The following METTL14 variants were observed in gnomAD, a reference collection of about 807,000 sequenced individuals.
METTL14 encodes methyltransferase 14, N6-adenosine-methyltransferase non-catalytic subunit.
In METTL14, 32 loss-of-function variants were observed where a neutral mutation model predicts 62.4. That is an observed-to-expected ratio of 0.51 (90% CI 0.39 to 0.69). The LOEUF (loss-of-function observed/expected upper bound fraction) is 0.69. Among genes scored for constraint, METTL14 ranks in the 30% least tolerant of loss-of-function variants. The probability of loss-of-function intolerance (pLI) is 0.00; values close to 1 mark genes in which losing one functional copy is unlikely to be tolerated. For missense variants in METTL14, 340 were observed against 551.9 expected (o/e 0.62, Z 3.85); for synonymous variants, 150 against 180.0 (o/e 0.83, Z 1.34).
rs200462174 is a variant in METTL14 at position 118,687,941 on chromosome 4, G to T, written c.85G>T (p.Asp29Tyr). ...LAQQLGAESADSIGAVLNSKD... is the reference protein window; with the variant it reads ...LAQQLGAESAYSIGAVLNSKD... ...TTCTCAGTTGGGAGCTGAAAGTGCC[G>T]ACAGCATTGGTGCCGTGTTAAATAG... Residue 29 changes from aspartate (D) to tyrosine (Y), a missense_variant, in exon 2 of 11, where the codon GAC becomes TAC. By Grantham distance (160) the Asp-to-Tyr change is radical. Around this residue, in one of 7 missense-constraint regions of METTL14, gnomAD observed 111 missense variants for 116.6 expected, o/e 0.95. Coordinates refer to ENST00000388822, the MANE Select transcript of METTL14 (RefSeq NM_020961.4). 4.0e-5 allele frequency: 64 copies of T among 1,613,666 alleles called. No homozygotes were observed. Among genetic ancestry groups the T allele is most frequent in the Non-Finnish European group, 1.7e-6 (2 of 1,179,948 alleles).
chr4:118,697,114 G>A lies in METTL14; in HGVS notation c.504-68G>A. 1 of 1,173,092 alleles carries A rather than the reference G, an allele frequency of 8.5e-7. No homozygotes were observed. Among genetic ancestry groups the A allele is most frequent in the Admixed American group, 2.4e-5 (1 of 41,588 alleles). The allele number at this position is 1,173,092 out of a possible 1,614,324, so 72.7% of individuals were successfully genotyped here. A position where few individuals can be genotyped will look rare whatever the true frequency, so the allele number is the denominator to read the frequency against. On this transcript the variant is annotated intron_variant, in intron 6 of 10. Transcript: ENST00000388822. ...CATTTCTTTCATTACCATCTGTTAA[G>A]GTACTTGAAAATCTTATTTAAAAAG...
intron 8 of METTL14, 65 bp downstream of exon 8, chr4:118,700,707 C>A: frequency 1.8e-6 from 2 of 1,120,608 alleles, no homozygotes; most frequent in Non-Finnish European, 2.6e-6. Flanking sequence ...CAGTATGTTG[C>A]ATAGGATGTT....
chr4:118,701,171 G>A (rs1174417598), intron 8 of METTL14, among the ~76,000 whole-genome samples: 1 of 142,074 alleles, frequency 7.0e-6, no homozygotes. Context: ...TTTTTTATTG[G>A]AGTTTTTTTT....
chr4:118,705,526 T>G (rs1453996461), intron 9 of METTL14, 85 bp from the exon 10 acceptor site: 3 of 1,057,270 alleles, frequency 2.8e-6, no homozygotes, highest in Non-Finnish European at 4.3e-6. Flanking sequence ...GAGGATTGTT[T>G]TAGAATTGAG....
intron 8 of METTL14, among the ~76,000 whole-genome samples, chr4:118,702,882 T>C (rs1429295279): frequency 6.7e-6 from 1 of 150,244 alleles, no homozygotes; most frequent in Non-Finnish European, 1.5e-5. Context: ...TTTTTTTGGT[T>C]CAGGGGGAAC....
intron 8 of METTL14, among the ~76,000 whole-genome samples, chr4:118,702,964 TA>T (rs1724645489): frequency 6.8e-6 from 1 of 146,568 alleles, no homozygotes; most frequent in African/African-American, 2.5e-5. Flanking sequence ...TTATTATTAT[TA>T]TTATTATTAT....
At chr4:118,688,423 C>T (rs1327755017) in intron 2 of METTL14, among the ~76,000 whole-genome samples, 3 of 137,352 alleles carry the variant, frequency 2.2e-5, no homozygotes, top group Non-Finnish European at 4.6e-5. Flanking sequence ...GCCTGGGAGA[C>T]AGAGTGAGAC....
intron 9 of METTL14, 136 bp from the exon 10 acceptor site, chr4:118,705,475 A>G (rs942654715): frequency 2.7e-6 from 2 of 740,268 alleles, no homozygotes; most frequent in Non-Finnish European, 4.5e-6. Context: ...CCCAGTCTCA[A>G]AAAGAAGAGA....
chr4:118,686,633 G>C, intron 1 of METTL14: 1 of 456,086 alleles, frequency 2.2e-6, no homozygotes, highest in Non-Finnish European at 4.4e-6. Flanking sequence ...TACGATCTTG[G>C]GCAAATCAAG....
At chr4:118,708,318 T>C (rs923321669) in intron 10 of METTL14, among the ~76,000 whole-genome samples, 2 of 152,248 alleles carry the variant, frequency 1.3e-5, no homozygotes, top group Non-Finnish European at 2.9e-5. Context: ...ATTTTTATTA[T>C]ATCTTTAAAT....
intron 10 of METTL14, among the ~76,000 whole-genome samples, chr4:118,708,321 C>T (rs954615217): frequency 5.9e-5 from 9 of 152,120 alleles, no homozygotes; most frequent in African/African-American, 1.9e-4. Context: ...TTTATTATAT[C>T]TTTAAATTTT....
rs1027459395 is a variant in METTL14, at chr4:118,685,414, T to C, written c.-121T>C. On this transcript the variant is annotated 5_prime_UTR_variant, in exon 1 of 11. An upstream start codon of the reference 5' UTR is lost. Coordinates refer to ENST00000388822, the MANE Select transcript of METTL14 (RefSeq NM_020961.4). Reference sequence around the variant, plus strand: ...CGGAAGTCTCTACTGAGGAAAGCTATGAGGATACTCTGTTCGTAAGCTCCC... The same window carrying C: ...CGGAAGTCTCTACTGAGGAAAGCTACGAGGATACTCTGTTCGTAAGCTCCC... 8.0e-6 allele frequency: 8 copies of C among 1,002,208 alleles called. No individual in the cohort carries two copies. The highest frequency in any genetic ancestry group is 2.5e-5 in the East Asian group (1 of 39,758). 62.1% of individuals were successfully genotyped at this position (1,002,208 alleles called of 1,614,324 possible).
At position 118,702,162 on chromosome 4, in the gene METTL14, C is replaced by T. The variant is rs551444022; in HGVS notation, c.738+1520C>T. Among the ~76,000 whole-genome samples the T allele has an allele frequency of 5.4e-5, 8 of 148,084 alleles. No homozygotes were observed. In the South Asian group the frequency reaches 1.7e-3, roughly 32 times the overall value. On this transcript the variant is annotated intron_variant, in intron 8 of 10. Transcript: ENST00000388822. ...TGAGGCAGAGCCTTGCTCTGTCGCC[C>T]ACGCTGGAGTGCAGTGGTGCGATCT...
At chr4:118,708,406 G>A (rs1471845392) in intron 10 of METTL14, among the ~76,000 whole-genome samples, 1 of 152,048 alleles carries the variant, frequency 6.6e-6, no homozygotes, top group Admixed American at 6.5e-5. Flanking sequence ...CCACAAACAT[G>A]CCAAAAAACA....
Position 118,705,661 on chromosome 4 carries a change from G to C in METTL14, c.906G>C (p.Gly302=), listed in dbSNP as rs777467944. Residue 302 remains glycine (G), a synonymous_variant, in exon 10 of 11, where the codon GGG becomes GGC. Coordinates refer to ENST00000388822, the MANE Select transcript of METTL14 (RefSeq NM_020961.4). ...GAACTGTGAAGCGTAGCACAGACGG[G>C]GACTTCATTCATGCTAATGTTGACA... ...IKGTVKRSTD[G]DFIHANVDID... 1.2e-5 allele frequency: 19 copies of C among 1,614,066 alleles called. No homozygotes were observed. The highest frequency in any genetic ancestry group is 2.2e-5 in the South Asian group (2 of 91,076).
chr4:118,692,164 C>G (rs1724267618), intron 5 of METTL14, 96 bp downstream of exon 5: 1 of 758,250 alleles, frequency 1.3e-6, no homozygotes, highest in South Asian at 1.8e-5. Context: ...AATTATTTCT[C>G]CAGCTTGACA....
Position 118,710,400 on chromosome 4 carries a change from G to T in METTL14, c.*98G>T. 8.1e-7 allele frequency: 1 copy of T among 1,232,996 alleles called. No homozygotes were observed. Among genetic ancestry groups the T allele is most frequent in the South Asian group, 1.6e-5 (1 of 62,300 alleles). The allele number at this position is 1,232,996 out of a possible 1,614,324, so 76.4% of individuals were successfully genotyped here. ...TAACTTTAGAACTCACTTCCAGCTT[G>T]CACTTTGCTTTAATTTCTCTGAGCT... On this transcript the variant is annotated 3_prime_UTR_variant, in exon 11 of 11. Transcript: ENST00000388822.
rs1724884719 is a variant in METTL14, at chr4:118,710,394, C to G, written c.*92C>G. 2.4e-6 allele frequency: 3 copies of G among 1,269,940 alleles called. No individual in the cohort carries two copies. The highest frequency in any genetic ancestry group is 3.2e-6 in the Non-Finnish European group (3 of 931,892). The allele number at this position is 1,269,940 out of a possible 1,614,324, so 78.7% of individuals were successfully genotyped here. A position where few individuals can be genotyped will look rare whatever the true frequency, so the allele number is the denominator to read the frequency against. Reference sequence around the variant, plus strand: ...GAGACTTAACTTTAGAACTCACTTCCAGCTTGCACTTTGCTTTAATTTCTC... The same window carrying G: ...GAGACTTAACTTTAGAACTCACTTCGAGCTTGCACTTTGCTTTAATTTCTC... On this transcript the variant is annotated 3_prime_UTR_variant, in exon 11 of 11. Coordinates refer to ENST00000388822, the MANE Select transcript of METTL14 (RefSeq NM_020961.4).
In METTL14 at chr4:118,710,265, G is replaced by A. The variant is rs369731171; in HGVS notation, c.1334G>A (p.Arg445His). 3.2e-5 allele frequency: 51 copies of A among 1,614,030 alleles called. No individual in the cohort carries two copies. Among genetic ancestry groups the A allele is most frequent in the Non-Finnish European group, 3.6e-5 (43 of 1,179,986 alleles). The change falls in exon 11 of 11, where the codon CGT (arginine) becomes CAT (histidine). Residue 445 changes from arginine to histidine, a missense_variant. Coordinates refer to ENST00000388822, the MANE Select transcript of METTL14 (RefSeq NM_020961.4). The stretch of plus-strand genomic sequence containing the variant: ...GAAAGAGGTGGCTTTAGAGGGGGCC[G>A]TGGAGGAGCACACAGAGGTGGCTTT... ...RGERGGFRGG[R>H]GGAHRGGFPP...
Sources: allele counts gnomAD v4.1 joint callset (sites outside exome capture counted in the v4.1 genomes callset), GRCh38; gene constraint gnomAD v4.1.1; regional missense constraint gnomAD v4.1.1; transcripts MANE v1.5; gene names NCBI Gene and HGNC (gene_info 2026-07-23, HGNC 2026-07-21).